The following TRIO variants were observed in gnomAD, a reference collection of about 807,000 sequenced individuals.
The protein encoded by TRIO is triple functional domain protein.
A neutral mutation model predicts 351.9 loss-of-function variants in TRIO; 58 were observed. The ratio of observed to expected loss-of-function variants is 0.16; its 90% CI spans 0.13 to 0.21. TRIO has a LOEUF of 0.21. TRIO is among the 10% of genes least tolerant of loss of function. TRIO has a pLI of 1.00. For missense variants in TRIO, 3,201 were observed against 4,027.8 expected (o/e 0.79, Z 5.56); for synonymous variants, 1,758 against 1,595.7 (o/e 1.10, Z -2.42).
intron 48 of TRIO, among the ~76,000 whole-genome samples, chr5:14,491,828 C>G (rs1398966469): frequency 6.6e-6 from 1 of 152,174 alleles, no homozygotes; most frequent in East Asian, 1.9e-4. Context: ...GTCACAGCAC[C>G]TGGGGCGAGT....
At chr5:14,409,937 G>T (rs1007287399) in intron 33 of TRIO, among the ~76,000 whole-genome samples, 1 of 151,304 alleles carries the variant, frequency 6.6e-6, no homozygotes, top group African/African-American at 2.4e-5. Context: ...ACTGAGGACC[G>T]CAGCCTGCCA....
In TRIO at chr5:14,369,386, C is replaced by A; in HGVS notation, c.3079C>A (p.Leu1027Ile). The change falls in exon 18 of 57, where the codon CTC becomes ATC. Residue 1027 changes from leucine (L) to isoleucine (I), a missense_variant. Coordinates refer to ENST00000344204, the MANE Select transcript of TRIO (RefSeq NM_007118.4). ...YKTSEQVCSV[L>I]ESLEQEYKRE... ...TTCCTGCTCACAGGTCTGCAGCGTC[C>A]TCGAGAGCCTGGAACAGGAGTACAA... 1 of 1,613,120 alleles carries A rather than the reference C, an allele frequency of 6.2e-7. No individual in the cohort carries two copies. Among genetic ancestry groups the A allele is most frequent in the Non-Finnish European group, 8.5e-7 (1 of 1,179,520 alleles).
intron 2 of TRIO, 31 bp downstream of exon 2, chr5:14,270,930 C>G: frequency 6.6e-7 from 1 of 1,504,352 alleles, no homozygotes; most frequent in South Asian, 1.1e-5. Context: ...CTGCTCTATC[C>G]AACTGCTCTG....
intron 18 of TRIO, among the ~76,000 whole-genome samples, chr5:14,370,536 C>A (rs748037636): frequency 7.9e-5 from 12 of 152,144 alleles, no homozygotes; most frequent in African/African-American, 2.9e-4. Context: ...TTTCCTGTTA[C>A]ACTTAACACT....
At chr5:14,247,368 T>C (rs1438735830) in intron 1 of TRIO, among the ~76,000 whole-genome samples, 2 of 152,276 alleles carry the variant, frequency 1.3e-5, no homozygotes, top group African/African-American at 2.4e-5. Context: ...ATTTCAGTTA[T>C]TTCCAAATGT....
chr5:14,471,490 T>G, intron 38 of TRIO, 24 bp downstream of exon 38: 1 of 1,613,130 alleles, frequency 6.2e-7, no homozygotes, highest in Non-Finnish European at 8.5e-7. Context: ...GTTTTCATTC[T>G]TATTGTTCTC....
chr5:14,149,806 T>C (rs1787721447), intron 1 of TRIO, among the ~76,000 whole-genome samples: 1 of 152,224 alleles, frequency 6.6e-6, no homozygotes, highest in Non-Finnish European at 1.5e-5. Context: ...AATGAGTGCA[T>C]TTTAGCAGTT....
At chr5:14,369,575 A>G (rs752198058) in intron 18 of TRIO, 52 bp downstream of exon 18, 2 of 1,552,906 alleles carry the variant, frequency 1.3e-6, no homozygotes, top group East Asian at 2.3e-5. Flanking sequence ...CCTGCCTGCC[A>G]GGTGCGCGTG....
chr5:14,337,001 T>G (rs532930002), intron 11 of TRIO, among the ~76,000 whole-genome samples: 6 of 152,296 alleles, frequency 3.9e-5, no homozygotes, highest in Admixed American at 2.0e-4. Context: ...TCCATTTCTA[T>G]AAGTAGGGGA....
Position 14,405,971 on chromosome 5 carries a change from A to T in TRIO, c.4840A>T (p.Thr1614Ser), listed in dbSNP as rs1748677783. The change falls in exon 32 of 57, where the codon ACA becomes TCA. Residue 1614 changes from threonine to serine, a missense_variant. By Grantham distance (58) the Thr-to-Ser change is moderately conservative. This residue lies in a region of TRIO where 136 missense variants were observed against 229.5 expected (regional missense o/e 0.59). Coordinates refer to ENST00000344204, the MANE Select transcript of TRIO (RefSeq NM_007118.4). The stretch of plus-strand genomic sequence containing the variant: ...TCACATCCCTAAGACCGCTCCCGCC[A>T]CAAGACAGAAGGGAAGGAGGTGCGT... ...PIHIPKTAPA[T>S]RQKGRRDGED... 6.2e-7 allele frequency: 1 copy of T among 1,613,600 alleles called. No homozygotes were observed. The highest frequency in any genetic ancestry group is 1.1e-5 in the South Asian group (1 of 91,018).
chr5:14,149,050 G>A (rs112466445), intron 1 of TRIO, among the ~76,000 whole-genome samples: 11 of 152,308 alleles, frequency 7.2e-5, no homozygotes, highest in African/African-American at 2.6e-4. Flanking sequence ...GTTACTCAGC[G>A]GGAGCTGTTC....
intron 33 of TRIO, among the ~76,000 whole-genome samples, chr5:14,409,532 C>T (rs1749001828): frequency 6.6e-6 from 1 of 152,076 alleles, no homozygotes. Context: ...CTCCTGAGCT[C>T]AGAAATCCCT....
At chr5:14,402,370 C>T (rs931660919) in intron 31 of TRIO, among the ~76,000 whole-genome samples, 1 of 152,194 alleles carries the variant, frequency 6.6e-6, no homozygotes, top group Admixed American at 6.5e-5. Context: ...TGTCAGGCTT[C>T]GCCAGGTACA....
At chr5:14,315,645 C>T (rs1739320005) in intron 8 of TRIO, among the ~76,000 whole-genome samples, 1 of 152,160 alleles carries the variant, frequency 6.6e-6, no homozygotes, top group Admixed American at 6.6e-5. Context: ...CACCTGCATC[C>T]CACACCTGGT....
chr5:14,226,876 C>CTGCAGCTCTCCTCCTCCCTGGCTTT (rs1793076417), intron 1 of TRIO, among the ~76,000 whole-genome samples: 2 of 10,668 alleles, frequency 1.9e-4, no homozygotes. Context: ...AAAGTGGTTT[C>CTGCAGCTCTCCTCCTCCCTGGCTTT]TGCAGCTCTC....
At chr5:14,271,412 T>C (rs758929121) in intron 2 of TRIO, among the ~76,000 whole-genome samples, 39 of 152,278 alleles carry the variant, frequency 2.6e-4, no homozygotes, top group Non-Finnish European at 1.5e-4. Flanking sequence ...CCTGGTGATT[T>C]TACCAGCTGA....
At chr5:14,366,731 T>G in intron 15 of TRIO, 129 bp from the exon 16 acceptor site, 4 of 1,353,222 alleles carry the variant, frequency 3.0e-6, no homozygotes, top group Non-Finnish European at 4.0e-6. Context: ...TTTAGGATGA[T>G]GAAGGCATCA....
intron 1 of TRIO, among the ~76,000 whole-genome samples, chr5:14,237,161 T>C (rs1004123802): frequency 2.0e-5 from 3 of 152,220 alleles, no homozygotes; most frequent in Admixed American, 6.5e-5. Flanking sequence ...TTCCGGTTTT[T>C]CTTTTAGATT....
chr5:14,263,013 A>G (rs1033134552), intron 1 of TRIO, among the ~76,000 whole-genome samples: 4 of 152,012 alleles, frequency 2.6e-5, no homozygotes, highest in African/African-American at 7.3e-5. Flanking sequence ...GTCTACATCT[A>G]TTGATGCTGC....
Sources: allele counts gnomAD v4.1 joint callset (sites outside exome capture counted in the v4.1 genomes callset), GRCh38; gene constraint gnomAD v4.1.1; regional missense constraint gnomAD v4.1.1; transcripts MANE v1.5; gene names NCBI Gene and HGNC (gene_info 2026-07-23, HGNC 2026-07-21).